KIRREL1: variants seen among roughly 807,000 people sequenced by gnomAD.
KIRREL1 encodes kirre like nephrin family adhesion molecule 1.
In KIRREL1, 25 loss-of-function variants were observed where a neutral mutation model predicts 83.3. The observed-to-expected ratio is 0.30, with a 90% CI of 0.22 to 0.42. KIRREL1 has a LOEUF of 0.42. Ranked by LOEUF, KIRREL1 falls within the 10% of genes least tolerant of loss-of-function variation. KIRREL1 has a pLI of 1.00. For synonymous variants in KIRREL1, 388 were observed against 410.4 expected (o/e 0.95, Z 0.66); for missense variants, 812 against 1,032.3 (o/e 0.79, Z 2.92).
chr1:158,016,256 A>G lies in KIRREL1; in HGVS notation c.52+22528A>G, dbSNP rs957580418. 3.3e-5 allele frequency among the ~76,000 whole-genome samples: 5 copies of G among 152,042 alleles called. No homozygotes were observed. The East Asian group carries it at 9.6e-4, about 29-fold the overall frequency. On this transcript the variant is annotated intron_variant, in intron 1 of 14. Transcript: ENST00000359209. ...TAGGCAGAGCTTGCAGTGAGCCGAG[A>G]TCGTGCCACTGTACTCTAGACTGGG... is the stretch of plus-strand genomic sequence containing the variant.
chr1:158,094,537 TG>T lies in KIRREL1; in HGVS notation c.1798-103del. The T allele has an allele frequency of 1.6e-6, 2 of 1,252,654 alleles. No homozygotes were observed. Among genetic ancestry groups the T allele is most frequent in the Middle Eastern group, 1.9e-4 (1 of 5,226 alleles). The allele number at this position is 1,252,654 out of a possible 1,614,324, so 77.6% of individuals were successfully genotyped here. On this transcript the variant is annotated intron_variant, in intron 14 of 14. Coordinates refer to ENST00000359209, the MANE Select transcript of KIRREL1 (RefSeq NM_018240.7). This position sits in a 1 kb window ranked among gnomAD's most constrained non-coding sequence, Gnocchi z 4.6. ...GGAGCAGAGGAGGTGGAATGCTAGATGGGGACATAGGGAGAGCTGGAGGAAG... is the reference window on the plus strand; with the variant it reads ...GGAGCAGAGGAGGTGGAATGCTAGATGGGACATAGGGAGAGCTGGAGGAAG...
At chr1:158,087,636 T>A in intron 5 of KIRREL1, 119 bp from the exon 6 acceptor site, 7 of 681,432 alleles carry the variant, frequency 1.0e-5, no homozygotes, top group Non-Finnish European at 1.8e-5. Context: ...GCCGATACAC[T>A]GCAACCTCAA....
intron 1 of KIRREL1, among the ~76,000 whole-genome samples, chr1:158,025,038 C>T (rs1018522969): frequency 1.2e-4 from 18 of 152,176 alleles, no homozygotes; most frequent in African/African-American, 2.9e-4. Flanking sequence ...CCTTTGTAGC[C>T]GCCTCCTCTG....
Position 158,016,844 on chromosome 1 carries a change from G to C in KIRREL1, c.52+23116G>C, listed in dbSNP as rs1054846482. Among the ~76,000 whole-genome samples, 32 of 152,174 alleles carry C rather than the reference G, an allele frequency of 2.1e-4. 1 individual carries two copies. Among genetic ancestry groups the C allele is most frequent in the African/African-American group, 7.0e-4 (29 of 41,422 alleles). On this transcript the variant is annotated intron_variant, in intron 1 of 14. Coordinates refer to ENST00000359209, the MANE Select transcript of KIRREL1 (RefSeq NM_018240.7). ...AGGGCTAAGCCTTGGAAAGACAATA[G>C]GGTAAGACAAGAGGAAGTTGACAGA...
intron 1 of KIRREL1, among the ~76,000 whole-genome samples, chr1:158,018,371 T>C (rs146071265): frequency 1.2e-3 from 180 of 152,024 alleles, no homozygotes; most frequent in African/African-American, 4.1e-3. Flanking sequence ...CTGTGGGAAC[T>C]GATGTAGAGG....
chr1:158,044,440 T>C (rs1180076594), intron 1 of KIRREL1, among the ~76,000 whole-genome samples: 1 of 152,216 alleles, frequency 6.6e-6, no homozygotes, highest in African/African-American at 2.4e-5. Flanking sequence ...CCAAAAATTA[T>C]AACAGATTTA....
intron 1 of KIRREL1, among the ~76,000 whole-genome samples, chr1:158,067,797 C>T (rs889572580): frequency 2.0e-5 from 3 of 152,226 alleles, no homozygotes; most frequent in African/African-American, 7.2e-5. Flanking sequence ...GACTAATCCA[C>T]AGGCCCAGAA....
At chr1:158,038,584 C>G (rs917427933) in intron 1 of KIRREL1, among the ~76,000 whole-genome samples, 1 of 151,132 alleles carries the variant, frequency 6.6e-6, no homozygotes, top group Non-Finnish European at 1.5e-5. Flanking sequence ...CTTGGCCCCC[C>G]CAAAACACTG....
chr1:158,094,538 G>A lies in KIRREL1; in HGVS notation c.1798-106G>A. On this transcript the variant is annotated intron_variant, in intron 14 of 14. Transcript: ENST00000359209. The surrounding 1 kb of genome is among the most constrained non-coding windows in gnomAD (Gnocchi z 4.6). ...GAGCAGAGGAGGTGGAATGCTAGATGGGGACATAGGGAGAGCTGGAGGAAG... is the reference window on the plus strand; with the variant it reads ...GAGCAGAGGAGGTGGAATGCTAGATAGGGACATAGGGAGAGCTGGAGGAAG... 1 of 1,235,680 alleles carries A rather than the reference G, an allele frequency of 8.1e-7. No individual in the cohort carries two copies. Among genetic ancestry groups the A allele is most frequent in the South Asian group, 1.3e-5 (1 of 78,960 alleles). 76.5% of individuals were successfully genotyped at this position (1,235,680 alleles called of 1,614,324 possible). A position where few individuals can be genotyped will look rare whatever the true frequency, so the allele number is the denominator to read the frequency against.
At chr1:158,043,404 C>T (rs1055276139) in intron 1 of KIRREL1, among the ~76,000 whole-genome samples, 4 of 152,182 alleles carry the variant, frequency 2.6e-5, no homozygotes, top group African/African-American at 4.8e-5. Flanking sequence ...TCTCTTGGCC[C>T]GGCTGCACGC....
At position 158,095,012 on chromosome 1, in the gene KIRREL1, G is replaced by T; in HGVS notation, c.2166G>T (p.Glu722Asp). 6.2e-7 allele frequency: 1 copy of T among 1,614,022 alleles called. No homozygotes were observed. The highest frequency in any genetic ancestry group is 8.5e-7 in the Non-Finnish European group (1 of 1,179,984). ...CTGGCCTGGAGCGGACCCCATATGA[G>T]GCGTATGACCCCATTGGCAAGTACG... ...PPSGLERTPY[E>D]AYDPIGKYAT... Residue 722 changes from glutamate to aspartate, a missense_variant, in exon 15 of 15, where the codon GAG becomes GAT. Glu to Asp is a conservative substitution (Grantham distance 45, BLOSUM62 2). Transcript: ENST00000359209.
chr1:158,069,774 G>T (rs939803420), intron 1 of KIRREL1, among the ~76,000 whole-genome samples: 3 of 152,162 alleles, frequency 2.0e-5, no homozygotes, highest in African/African-American at 7.2e-5. Flanking sequence ...GTGACTAGAC[G>T]GAAGTTTCTT....
At chr1:158,040,746 G>A (rs763752674) in intron 1 of KIRREL1, among the ~76,000 whole-genome samples, 2 of 152,178 alleles carry the variant, frequency 1.3e-5, no homozygotes, top group African/African-American at 2.4e-5. Context: ...GAAAAGGCTG[G>A]TCTATTCAGA....
chr1:157,998,405 T>A (rs928219468), intron 1 of KIRREL1, among the ~76,000 whole-genome samples: 26 of 152,382 alleles, frequency 1.7e-4, no homozygotes, highest in African/African-American at 4.1e-4. Context: ...ATTCTGAGAT[T>A]CTGTCCTACA....
At chr1:158,069,159 A>C (rs975248841) in intron 1 of KIRREL1, among the ~76,000 whole-genome samples, 14 of 152,142 alleles carry the variant, frequency 9.2e-5, no homozygotes, top group Admixed American at 3.3e-4. Context: ...ACGTGTGCAG[A>C]GACACGGAAG....
chr1:158,076,086 T>C (rs757378555), intron 1 of KIRREL1, 27 bp from the exon 2 acceptor site: 27 of 1,609,008 alleles, frequency 1.7e-5, no homozygotes, highest in Non-Finnish European at 2.3e-5. Flanking sequence ...TTACTCATCT[T>C]ACCCAGTGCT....
chr1:158,000,545 C>A (rs764210526), intron 1 of KIRREL1, among the ~76,000 whole-genome samples: 4 of 152,200 alleles, frequency 2.6e-5, no homozygotes, highest in Non-Finnish European at 5.9e-5. Context: ...TCAGACAATG[C>A]GAACCTAATT....
rs1015695155 is a variant in KIRREL1 at position 158,094,846 on chromosome 1, C to A, written c.2000C>A (p.Pro667His). The A allele has an allele frequency of 1.2e-5, 20 of 1,613,978 alleles. No homozygotes were observed. The highest frequency in any genetic ancestry group is 1.7e-5 in the Admixed American group (1 of 60,000). The part of the protein sequence containing the change: ...PASDYGPEPT[P>H]PGPAAPAGTD... Reference sequence around the variant, plus strand: ...TCTGACTATGGCCCTGAGCCCACACCCCCTGGCCCTGCTGCCCCAGCTGGC... The same window carrying A: ...TCTGACTATGGCCCTGAGCCCACACACCCTGGCCCTGCTGCCCCAGCTGGC... The change falls in exon 15 of 15, where the codon CCC becomes CAC. Residue 667 changes from proline (P) to histidine (H), a missense_variant. Physicochemically the swap from Pro to His is moderately conservative, Grantham distance 77. This residue lies in a region of KIRREL1 where 334 missense variants were observed against 383.7 expected (regional missense o/e 0.87). Transcript: ENST00000359209. This position sits in a 1 kb window ranked among gnomAD's most constrained non-coding sequence, Gnocchi z 4.6.
At position 158,086,134 on chromosome 1, in the gene KIRREL1, C is replaced by T. The variant is rs891945520; in HGVS notation, c.511-462C>T. Among the ~76,000 whole-genome samples the T allele has an allele frequency of 4.6e-5, 7 of 152,194 alleles. No individual in the cohort carries two copies. The East Asian group carries it at 1.4e-3, about 29-fold the overall frequency. ...CATCAGTTGTAACAGACTTATCACT[C>T]TAATGCAAGGTGTTAAGGTGTTAGT... On this transcript the variant is annotated intron_variant, in intron 4 of 14. Transcript: ENST00000359209.
Sources: allele counts gnomAD v4.1 joint callset (sites outside exome capture counted in the v4.1 genomes callset), GRCh38; gene constraint gnomAD v4.1.1; regional missense constraint gnomAD v4.1.1; non-coding constraint Gnocchi (gnomAD v3.1); transcripts MANE v1.5; gene names NCBI Gene and HGNC (gene_info 2026-07-23, HGNC 2026-07-21).